ZNF761: variants seen among roughly 807,000 people sequenced by gnomAD.
ZNF761 encodes the protein zinc finger protein 761.
ZNF761 carries 43 observed loss-of-function variants against 59.9 expected under a neutral mutation model. The ratio of observed to expected loss-of-function variants is 0.72; its 90% CI spans 0.56 to 0.92. ZNF761 has a LOEUF of 0.92. ZNF761 is among the 40% of genes least tolerant of loss of function. ZNF761 has a pLI of 0.00. For synonymous variants in ZNF761, 294 were observed against 304.8 expected, an observed-to-expected ratio of 0.96 and a Z score of 0.37; for missense variants, 850 against 906.1, an observed-to-expected ratio of 0.94 and a Z score of 0.79.
chr19:53,446,646 T>C (rs2086163088), intron 2 of ZNF761, among the ~76,000 whole-genome samples: 1 of 151,964 alleles, frequency 6.6e-6, no homozygotes, highest in African/African-American at 2.4e-5. Flanking sequence ...GTGCTGGTAT[T>C]ACAGACATAA....
At chr19:53,446,870 C>T (rs1006810022) in intron 2 of ZNF761, among the ~76,000 whole-genome samples, 1 of 152,152 alleles carries the variant, frequency 6.6e-6, no homozygotes, top group Non-Finnish European at 1.5e-5. Flanking sequence ...GATCTATCTG[C>T]CTCAGCCTCC....
At chr19:53,443,942 T>C (rs7245623) in intron 1 of ZNF761, 57,221 of 152,736 alleles carry the variant, frequency 0.37, 11,966 homozygotes, top group African/African-American at 0.55. Context: ...ACTGTGTTGA[T>C]TCAAGGTTTA....
At chr19:53,433,069 A>T (rs1473989988) in intron 1 of ZNF761, among the ~76,000 whole-genome samples, 1 of 150,888 alleles carries the variant, frequency 6.6e-6, no homozygotes, top group Non-Finnish European at 1.5e-5. Flanking sequence ...GGAAGAGAGA[A>T]TTTAACGGGG....
intron 4 of ZNF761, among the ~76,000 whole-genome samples, chr19:53,454,426 A>G (rs565592981): frequency 8.5e-5 from 13 of 152,336 alleles, no homozygotes; most frequent in African/African-American, 3.1e-4. Flanking sequence ...TGCCCTGTCA[A>G]TGTTTTGTCA....
Position 53,435,538 on chromosome 19 carries a change from G to C in ZNF761, c.-185+3510G>C, listed in dbSNP as rs532314133. ...GGCTGGTCTCGAACTCCCGACCTCAGGTGATCCACCCATCGTGGCCTCCAA... is the reference window on the plus strand; with the variant it reads ...GGCTGGTCTCGAACTCCCGACCTCACGTGATCCACCCATCGTGGCCTCCAA... On this transcript the variant is annotated intron_variant, in intron 1 of 4. Coordinates refer to ENST00000684525, the MANE Select transcript of ZNF761 (RefSeq NM_001289951.2). Among the ~76,000 whole-genome samples, 461 of 152,028 alleles carry C rather than the reference G, an allele frequency of 3.0e-3. 4 individuals are homozygous for C. The highest frequency in any genetic ancestry group is 0.011 in the African/African-American group (444 of 41,460).
intron 4 of ZNF761, among the ~76,000 whole-genome samples, chr19:53,453,075 T>C (rs774216623): frequency 1.3e-5 from 2 of 152,224 alleles, no homozygotes; most frequent in Admixed American, 6.5e-5. Flanking sequence ...AATCTCGGCT[T>C]ACTACAACCT....
intron 1 of ZNF761, among the ~76,000 whole-genome samples, chr19:53,440,953 A>G (rs1248641819): frequency 6.6e-6 from 1 of 152,192 alleles, no homozygotes; most frequent in East Asian, 1.9e-4. Context: ...TGGGATTACA[A>G]GGATAAGCCA....
intron 1 of ZNF761, among the ~76,000 whole-genome samples, chr19:53,436,043 G>A (rs2086038518): frequency 6.6e-6 from 1 of 152,156 alleles, no homozygotes; most frequent in Non-Finnish European, 1.5e-5. Context: ...CCAGAGCAGG[G>A]CTGTCGTCCT....
chr19:53,433,653 G>A (rs1600078117), intron 1 of ZNF761, among the ~76,000 whole-genome samples: 1 of 152,144 alleles, frequency 6.6e-6, no homozygotes, highest in East Asian at 1.9e-4. Context: ...CTTCATGAAA[G>A]AGCACTGGCT....
chr19:53,434,127 G>C (rs576623170), intron 1 of ZNF761, among the ~76,000 whole-genome samples: 21 of 152,274 alleles, frequency 1.4e-4, no homozygotes, highest in African/African-American at 2.4e-4. Flanking sequence ...CTGCTTGCGA[G>C]TTTATGATGC....
rs1234406739 is a variant in ZNF761 at position 53,435,606 on chromosome 19, A to G, written c.-185+3578A>G. Among the ~76,000 whole-genome samples the G allele has an allele frequency of 2.0e-5, 3 of 152,100 alleles. No homozygotes were observed. The East Asian group carries it at 5.8e-4, about 29-fold the overall frequency. ...GCATGAGCAACTGTGCCTGGCCTTT[A>G]TAAGTACAAGTTCTTAAGTGAGTCC... On this transcript the variant is annotated intron_variant, in intron 1 of 4. Transcript: ENST00000684525.
intron 1 of ZNF761, among the ~76,000 whole-genome samples, chr19:53,437,799 A>C (rs1308596364): frequency 2.6e-5 from 4 of 151,924 alleles, no homozygotes; most frequent in Non-Finnish European, 4.4e-5. Context: ...TTCCATGTAC[A>C]TGCAAGGTAG....
intron 1 of ZNF761, chr19:53,442,297 G>A (rs2086109098): frequency 5.4e-6 from 7 of 1,307,574 alleles, no homozygotes; most frequent in South Asian, 1.2e-5. Context: ...ACAGAGGAAC[G>A]AGCTGAGCTG....
In ZNF761 at chr19:53,457,203, G is replaced by C. The variant is rs2086280365; in HGVS notation, c.*455G>C. On this transcript the variant is annotated 3_prime_UTR_variant, in exon 5 of 5. Coordinates refer to ENST00000684525, the MANE Select transcript of ZNF761 (RefSeq NM_001289951.2). ...AGTCTTCAGTAATGCTACAACCATT[G>C]TGAATCACTGGAGAATCCATAAGGA... 2 of 495,166 alleles carry C rather than the reference G, an allele frequency of 4.0e-6. No individual in the cohort carries two copies. Among genetic ancestry groups the C allele is most frequent in the Admixed American group, 2.3e-5 (1 of 43,308 alleles). 30.7% of individuals were successfully genotyped at this position (495,166 alleles called of 1,614,324 possible).
intron 1 of ZNF761, among the ~76,000 whole-genome samples, chr19:53,438,198 A>G (rs12979579): frequency 0.36 from 52,485 of 144,030 alleles, 10,069 homozygotes; most frequent in South Asian, 0.53. Flanking sequence ...CCTTGGTACC[A>G]AGTCATCCTC....
rs1190257350 is a variant in ZNF761 at position 53,455,387 on chromosome 19, G to T, written c.880G>T (p.Gly294Ter). 1.2e-6 allele frequency: 2 copies of T among 1,614,050 alleles called. No homozygotes were observed. The highest frequency in any genetic ancestry group is 1.7e-6 in the Non-Finnish European group (2 of 1,180,004). Residue 294 changes from glycine to a stop codon, truncating the protein, a stop_gained, in exon 5 of 5, where the codon GGA (glycine) becomes TGA (stop). Coordinates refer to ENST00000684525, the MANE Select transcript of ZNF761 (RefSeq NM_001289951.2). LOFTEE classifies it high-confidence loss of function. ...TACATGCCATCGTAGACTTCATACT[G>T]GAGAGAAACCTTACAAATGTGAAGA... is the stretch of plus-strand genomic sequence containing the variant. ...SLTCHRRLHTGEKPYKCEECD... is the reference protein window; with the variant it reads ...SLTCHRRLHT
intron 4 of ZNF761, among the ~76,000 whole-genome samples, chr19:53,453,837 T>C (rs1388252323): frequency 6.6e-6 from 1 of 152,114 alleles, no homozygotes; most frequent in Non-Finnish European, 1.5e-5. Flanking sequence ...GATCAGGCCA[T>C]TGAACTCCAG....
At chr19:53,449,931 A>G (rs1568811224) in intron 4 of ZNF761, 3 of 581,876 alleles carry the variant, frequency 5.2e-6, no homozygotes, top group Non-Finnish European at 8.5e-6. Context: ...AGCTCAAGAG[A>G]TCCTCCTCAG....
intron 1 of ZNF761, among the ~76,000 whole-genome samples, chr19:53,445,943 C>T (rs2147132806): frequency 6.6e-6 from 1 of 152,290 alleles, no homozygotes; most frequent in South Asian, 2.1e-4. Context: ...TGGGAGCTTG[C>T]CCTCATCTCA....
Sources: gnomAD v4.1 joint callset for allele counts (sites outside exome capture counted in the v4.1 genomes callset) on GRCh38, gnomAD v4.1.1 for gene constraint, MANE v1.5 for transcripts, NCBI Gene and HGNC (gene_info 2026-07-23, HGNC 2026-07-21) for gene names.